The following DOCK1 variants were observed in gnomAD, a reference collection of about 807,000 sequenced individuals.
DOCK1 encodes dedicator of cytokinesis protein 1.
In DOCK1, 138 loss-of-function variants were observed where a neutral mutation model predicts 262.7. The observed-to-expected ratio is 0.53, with a 90% confidence interval of 0.46 to 0.61. The LOEUF (loss-of-function observed/expected upper bound fraction) is 0.61, where lower values mean the gene tolerates loss of function less well. Among genes scored for constraint, DOCK1 ranks in the 20% least tolerant of loss-of-function variants. The pLI is 0.00. For synonymous variants in DOCK1, 866 were observed against 867.4 expected (o/e 1.00, Z 0.03); for missense variants, 1,908 against 2,370.7 (o/e 0.80, Z 4.05).
chr10:127,018,498 A>G lies in DOCK1; in HGVS notation c.1202-212A>G, dbSNP rs1002521743. The G allele has an allele frequency of 4.8e-6, 3 of 625,236 alleles. No homozygotes were observed. In the African/African-American group the frequency reaches 5.5e-5, roughly 12 times the overall value. 38.7% of individuals were successfully genotyped at this position (625,236 alleles called of 1,614,324 possible). ...CGTTCAGCTGTCTGTGAGTCACCCT[A>G]GGGCAGGGCTGGCATCCCAGCTCGT... On this transcript the variant is annotated intron_variant, in intron 12 of 51. Coordinates refer to ENST00000623213, the MANE Select transcript of DOCK1 (RefSeq NM_001290223.2).
intron 1 of DOCK1, among the ~76,000 whole-genome samples, chr10:126,928,155 A>C (rs915078935): frequency 2.0e-5 from 3 of 152,324 alleles, no homozygotes; most frequent in South Asian, 2.1e-4. Context: ...GAAGGCGTTC[A>C]GCAGAGTGAG....
intron 29 of DOCK1, among the ~76,000 whole-genome samples, chr10:127,293,928 C>T (rs1426599434): frequency 6.6e-6 from 1 of 152,234 alleles, no homozygotes; most frequent in East Asian, 1.9e-4. Flanking sequence ...CTCCAGTATG[C>T]CCTGAGAACC....
At chr10:126,948,994 C>G (rs1440179020) in intron 1 of DOCK1, among the ~76,000 whole-genome samples, 3 of 152,088 alleles carry the variant, frequency 2.0e-5, no homozygotes, top group African/African-American at 7.2e-5. Flanking sequence ...CCCCCTGGAC[C>G]CTGTTCCCTT....
intron 27 of DOCK1, among the ~76,000 whole-genome samples, chr10:127,140,533 T>A (rs2051130694): frequency 6.6e-6 from 1 of 152,160 alleles, no homozygotes; most frequent in Non-Finnish European, 1.5e-5. Context: ...AGGCAACGTG[T>A]GCAGAGGTGT....
intron 27 of DOCK1, among the ~76,000 whole-genome samples, chr10:127,191,186 C>G (rs551196016): frequency 6.6e-6 from 1 of 152,108 alleles, no homozygotes; most frequent in Non-Finnish European, 1.5e-5. Flanking sequence ...CGAAGTGAGC[C>G]GGGGCATCAC....
Position 127,251,894 on chromosome 10 carries a change from C to T in DOCK1, c.2949+3785C>T, listed in dbSNP as rs543512533. Among the ~76,000 whole-genome samples the T allele has an allele frequency of 5.9e-5, 9 of 151,392 alleles. No homozygotes were observed. In the East Asian group the frequency reaches 1.4e-3, roughly 23 times the overall value. ...TGATTTATAGTCCTTTGGGTATATA[C>T]CCAGTAATGGGATGGCTGGGTCAAA... On this transcript the variant is annotated intron_variant, in intron 28 of 51. Transcript: ENST00000623213.
chr10:127,320,836 G>T (rs2062487314), intron 29 of DOCK1, among the ~76,000 whole-genome samples: 1 of 152,032 alleles, frequency 6.6e-6, no homozygotes, highest in Non-Finnish European at 1.5e-5. Context: ...ACGTCCTCTG[G>T]AGCCTTCCTT....
rs1322254324 is a variant in DOCK1, at chr10:127,110,366, C to A, written c.2623+12C>A. 1.2e-6 allele frequency: 2 copies of A among 1,600,630 alleles called. No individual in the cohort carries two copies. Among genetic ancestry groups the A allele is most frequent in the Non-Finnish European group, 1.7e-6 (2 of 1,170,826 alleles). The stretch of plus-strand genomic sequence containing the variant: ...CTTCACACAGCATGGTGAGTGGAAC[C>A]CCAAGAATTATTCACTTGTCCTGTT... On this transcript the variant is annotated intron_variant, in intron 25 of 51. Coordinates refer to ENST00000623213, the MANE Select transcript of DOCK1 (RefSeq NM_001290223.2).
At chr10:127,301,163 G>A (rs1317400145) in intron 29 of DOCK1, among the ~76,000 whole-genome samples, 1 of 152,202 alleles carries the variant, frequency 6.6e-6, no homozygotes, top group Non-Finnish European at 1.5e-5. Flanking sequence ...AGTGAGAACT[G>A]GGCAGGCATC....
intron 1 of DOCK1, among the ~76,000 whole-genome samples, chr10:126,910,958 T>C (rs1006168237): frequency 3.3e-5 from 5 of 152,222 alleles, no homozygotes; most frequent in African/African-American, 1.2e-4. Flanking sequence ...ACTGTTCACC[T>C]GTCGAAGGAC....
intron 43 of DOCK1, 65 bp from the exon 44 acceptor site, chr10:127,415,087 G>A: frequency 6.8e-7 from 1 of 1,475,150 alleles, no homozygotes; most frequent in Non-Finnish European, 9.4e-7. Context: ...ATCCCCCTTA[G>A]GGCAGAGCTG....
chr10:127,405,543 C>T (rs1310778914), intron 40 of DOCK1, among the ~76,000 whole-genome samples: 1 of 151,236 alleles, frequency 6.6e-6, no homozygotes, highest in African/African-American at 2.4e-5. Flanking sequence ...TTGAGCACAG[C>T]CGTCTGGGGC....
chr10:127,024,378 C>T (rs909574605), intron 14 of DOCK1, among the ~76,000 whole-genome samples: 10 of 152,136 alleles, frequency 6.6e-5, no homozygotes, highest in Non-Finnish European at 1.0e-4. Flanking sequence ...ACCTATGGGA[C>T]GGATCAGGCA....
intron 33 of DOCK1, among the ~76,000 whole-genome samples, chr10:127,370,541 C>T (rs2065151486): frequency 2.0e-5 from 3 of 152,146 alleles, no homozygotes; most frequent in Admixed American, 2.0e-4. Flanking sequence ...TAGTAAATCT[C>T]ACCCAAAACA....
At chr10:126,983,670 GCTCT>G (rs1234608315) in intron 4 of DOCK1, among the ~76,000 whole-genome samples, 1 of 152,062 alleles carries the variant, frequency 6.6e-6, no homozygotes, top group Non-Finnish European at 1.5e-5. Flanking sequence ...CTCTTGCAAG[GCTCT>G]CTCTCATGTG....
intron 1 of DOCK1, among the ~76,000 whole-genome samples, chr10:126,935,014 G>T (rs1356969358): frequency 4.6e-5 from 7 of 152,176 alleles, no homozygotes; most frequent in African/African-American, 1.2e-4. Flanking sequence ...GGAGGCTGAG[G>T]CAGGAGAATG....
chr10:127,398,451 G>T (rs142147059), intron 38 of DOCK1, among the ~76,000 whole-genome samples: 1 of 152,180 alleles, frequency 6.6e-6, no homozygotes, highest in South Asian at 2.1e-4. Flanking sequence ...GCAAAGAACG[G>T]ACTGAACGCA....
At chr10:127,324,668 TA>T (rs1395810782) in intron 29 of DOCK1, among the ~76,000 whole-genome samples, 1 of 152,146 alleles carries the variant, frequency 6.6e-6, no homozygotes, top group African/African-American at 2.4e-5. Context: ...GGGTGTAAGT[TA>T]ACTGTTATCT....
In DOCK1 at chr10:127,248,012, A is replaced by G; in HGVS notation, c.2852A>G (p.Asn951Ser). 1 of 1,613,846 alleles carries G rather than the reference A, an allele frequency of 6.2e-7. No individual in the cohort carries two copies. Among genetic ancestry groups the G allele is most frequent in the Non-Finnish European group, 8.5e-7 (1 of 1,179,824 alleles). ...SMGRDSELIG[N>S]FVACMTAILR... ...TATCTTTTGATTCATTTACAGGGAAACTTCGTGGCTTGCATGACAGCTATT... is the reference window on the plus strand; with the variant it reads ...TATCTTTTGATTCATTTACAGGGAAGCTTCGTGGCTTGCATGACAGCTATT... The change falls in exon 28 of 52, where the codon AAC becomes AGC. Residue 951 changes from asparagine (N) to serine (S), a missense_variant. Transcript: ENST00000623213.
Sources: gnomAD v4.1 joint callset for allele counts (sites outside exome capture counted in the v4.1 genomes callset) on GRCh38, gnomAD v4.1.1 for gene constraint, MANE v1.5 for transcripts, NCBI Gene and HGNC (gene_info 2026-07-23, HGNC 2026-07-21) for gene names.